AIFM3: variants seen among roughly 807,000 people sequenced by gnomAD.
The protein encoded by AIFM3 is AIF family member 3.
Under a neutral mutation model 82.7 loss-of-function variants are expected in AIFM3, and 71 were observed. The observed-to-expected ratio is 0.86, with a 90% CI of 0.71 to 1.05. AIFM3 has a LOEUF of 1.05. Ranked by LOEUF, AIFM3 falls within the 50% of genes least tolerant of loss-of-function variation. The probability of loss-of-function intolerance (pLI) is 0.00; values close to 1 mark genes in which losing one functional copy is unlikely to be tolerated. For missense variants in AIFM3, 748 were observed against 816.7 expected (o/e 0.92, Z 1.03); for synonymous variants, 337 against 329.1 (o/e 1.02, Z -0.26).
At chr22:20,980,607 G>A (rs1924039415) in intron 19 of AIFM3, 140 bp from the exon 20 acceptor site, 1 of 1,034,634 alleles carries the variant, frequency 9.7e-7, no homozygotes, top group Non-Finnish European at 1.5e-6. Flanking sequence ...AGGGACTGGG[G>A]ACAGCCTGGA....
chr22:20,973,299 G>T lies in AIFM3; in HGVS notation c.32-8G>T. 6.4e-7 allele frequency: 1 copy of T among 1,570,446 alleles called. No individual in the cohort carries two copies. The highest frequency in any genetic ancestry group is 1.9e-5 in the Admixed American group (1 of 53,090). ...GGTGGGGGGCTCAAGGCGCTGCCTT[G>T]CCCACAGTGGAGCTCAAGATCGAGG... On this transcript the variant is annotated splice_region_variant and splice_polypyrimidine_tract_variant and intron_variant, in intron 2 of 20. Coordinates refer to ENST00000440238, the MANE Select transcript of AIFM3 (RefSeq NM_001386814.1).
upstream of AIFM3, among the ~76,000 whole-genome samples, chr22:20,965,651 C>A (rs1047562652): frequency 6.6e-6 from 1 of 152,148 alleles, no homozygotes; most frequent in Non-Finnish European, 1.5e-5. Context: ...CAGATGCCAC[C>A]CCTAGGACGC....
At chr22:20,980,476 G>A in intron 19 of AIFM3, 1 of 600,210 alleles carries the variant, frequency 1.7e-6, no homozygotes, top group Non-Finnish European at 3.0e-6. Flanking sequence ...TGCAGCTACT[G>A]ATGCCCTGGG....
intron 9 of AIFM3, 53 bp from the exon 10 acceptor site, chr22:20,976,162 G>A (rs1233985394): frequency 2.0e-5 from 28 of 1,394,120 alleles, no homozygotes; most frequent in South Asian, 4.8e-5. Flanking sequence ...GGGAGTGGGC[G>A]GCGAGGCCCA....
At chr22:20,979,980 T>A in intron 18 of AIFM3, 40 bp from the exon 19 acceptor site, 5 of 1,580,038 alleles carry the variant, frequency 3.2e-6, no homozygotes, top group Non-Finnish European at 3.4e-6. Context: ...AAGGGGCTGC[T>A]GCCTCGCAGT....
intron 18 of AIFM3, 83 bp downstream of exon 18, chr22:20,979,785 A>G: frequency 1.9e-6 from 3 of 1,541,206 alleles, no homozygotes; most frequent in Non-Finnish European, 2.7e-6. Context: ...AAATCCCAGA[A>G]CAAGAGCCCA....
chr22:20,977,104 G>T lies in AIFM3; in HGVS notation c.1282+9G>T. The T allele has an allele frequency of 6.2e-7, 1 of 1,613,990 alleles. No homozygotes were observed. The highest frequency in any genetic ancestry group is 8.5e-7 in the Non-Finnish European group (1 of 1,180,014). The stretch of plus-strand genomic sequence containing the variant: ...CTGCGTGGTGGGCATTGGTGAGTTG[G>T]TGTGTGGGCAGGCAGGCACAAAGCA... On this transcript the variant is annotated intron_variant, in intron 14 of 20. Transcript: ENST00000440238.
rs1923503382 is a variant in AIFM3, at chr22:20,974,548, C to A, written c.534C>A (p.Thr178=). The change falls in exon 7 of 21, where the codon ACC becomes ACA. Residue 178 remains threonine (T), a synonymous_variant. Coordinates refer to ENST00000440238, the MANE Select transcript of AIFM3 (RefSeq NM_001386814.1). ...SKQALQLQRR[T]KVMAKCISPS... ...AGGCCCTACAGCTGCAGCGAAGGAC[C>A]AAGGTGATGGCCAAGTGTATCTCTC... 1 of 1,613,258 alleles carries A rather than the reference C, an allele frequency of 6.2e-7. No homozygotes were observed. Among genetic ancestry groups the A allele is most frequent in the Admixed American group, 1.7e-5 (1 of 59,860 alleles).
chr22:20,980,203 C>T, intron 19 of AIFM3, 79 bp downstream of exon 19: 2 of 1,301,272 alleles, frequency 1.5e-6, no homozygotes. Context: ...CAGCCAGCCG[C>T]CCCCACAACC....
Position 20,977,519 on chromosome 22 carries a change from C to A in AIFM3, c.1283-181C>A, listed in dbSNP as rs73392567. The A allele has an allele frequency of 8.8e-3, 5,992 of 680,450 alleles. 244 individuals are homozygous for A. In the African/African-American group the frequency reaches 0.094, roughly 11 times the overall value. The allele number at this position is 680,450 out of a possible 1,614,324, so 42.2% of individuals were successfully genotyped here. A position where few individuals can be genotyped will look rare whatever the true frequency, so the allele number is the denominator to read the frequency against. ...GGAGAAGGTGATATCTGAGGTCTTG[C>A]GGGAGGCACCGGGTCTGTGGGAGAC... On this transcript the variant is annotated intron_variant, in intron 14 of 20. Transcript: ENST00000440238.
Position 20,981,043 on chromosome 22 carries a change from G to A in AIFM3, c.*12G>A, listed in dbSNP as rs368429589. On this transcript the variant is annotated 3_prime_UTR_variant, in exon 21 of 21. Coordinates refer to ENST00000440238, the MANE Select transcript of AIFM3 (RefSeq NM_001386814.1). ...GGAAAGGATCCTGAGCTCACATGCAGTAGACTTGGGCAGGCAAAGGGGGCA... is the reference window on the plus strand; with the variant it reads ...GGAAAGGATCCTGAGCTCACATGCAATAGACTTGGGCAGGCAAAGGGGGCA... The A allele has an allele frequency of 3.5e-5, 57 of 1,614,040 alleles. No individual in the cohort carries two copies. In the African/African-American group the frequency reaches 4.9e-4, roughly 14 times the overall value.
chr22:20,971,593 G>A (rs1040289149), intron 2 of AIFM3, among the ~76,000 whole-genome samples: 13 of 152,150 alleles, frequency 8.5e-5, no homozygotes, highest in African/African-American at 9.7e-5. Flanking sequence ...GGTGCATCTC[G>A]GCAGCCTCTC....
intron 2 of AIFM3, among the ~76,000 whole-genome samples, chr22:20,970,020 T>C (rs572056722): frequency 8.5e-5 from 13 of 152,314 alleles, no homozygotes; most frequent in Middle Eastern, 3.4e-3. Flanking sequence ...GTCTGAGTAG[T>C]TGATAAGAAG....
intron 9 of AIFM3, among the ~76,000 whole-genome samples, 163 bp downstream of exon 9, chr22:20,975,941 GATGGGTC>G (rs1923618428): frequency 6.6e-6 from 1 of 152,226 alleles, no homozygotes; most frequent in Admixed American, 6.5e-5. Context: ...GCTTTTTCCT[GATGGGTC>G]ATAGGCACAC....
chr22:20,971,566 T>A (rs1314112578), intron 2 of AIFM3, among the ~76,000 whole-genome samples: 1 of 152,172 alleles, frequency 6.6e-6, no homozygotes, highest in African/African-American at 2.4e-5. Flanking sequence ...AGGGGACAGC[T>A]CAGGCAAAGG....
chr22:20,979,560 G>A (rs1923944910), intron 17 of AIFM3, 67 bp from the exon 18 acceptor site: 5 of 1,588,754 alleles, frequency 3.1e-6, no homozygotes, highest in Non-Finnish European at 4.3e-6. Flanking sequence ...GGGTTAGGAG[G>A]GGATCCTGTG....
At chr22:20,966,427 C>T (rs768682258), upstream of AIFM3, 5 of 152,226 alleles carry the variant, frequency 3.3e-5, no homozygotes, top group Non-Finnish European at 7.3e-5. Flanking sequence ...ATGGGCACCT[C>T]GAGGACCGAC....
intron 13 of AIFM3, 25 bp downstream of exon 13, chr22:20,976,963 C>A (rs1018708541): frequency 2.5e-6 from 4 of 1,613,520 alleles, no homozygotes; most frequent in Non-Finnish European, 2.5e-6. Flanking sequence ...CTTCTCCCTG[C>A]TGCTTTCTGT....
chr22:20,969,832 A>G (rs907673265), intron 2 of AIFM3, among the ~76,000 whole-genome samples: 2 of 152,112 alleles, frequency 1.3e-5, no homozygotes, highest in African/African-American at 4.8e-5. Flanking sequence ...CAGATATGGG[A>G]GTGACAGCAT....
Sources: gnomAD v4.1 joint callset for allele counts (sites outside exome capture counted in the v4.1 genomes callset) on GRCh38, gnomAD v4.1.1 for gene constraint, MANE v1.5 for transcripts, NCBI Gene and HGNC (gene_info 2026-07-23, HGNC 2026-07-21) for gene names.